The following MYO5C variants were observed in gnomAD, a reference collection of about 807,000 sequenced individuals.
MYO5C encodes the protein unconventional myosin-Vc.
In MYO5C, 194 loss-of-function variants were observed where a neutral mutation model predicts 235.7. That is an observed-to-expected ratio of 0.82 (90% confidence interval 0.73 to 0.93). The LOEUF is 0.93. Among genes scored for constraint, MYO5C ranks in the 40% least tolerant of loss-of-function variants. The pLI is 0.00. For missense variants in MYO5C, 2,038 were observed against 2,127.2 expected (o/e 0.96, Z 0.82); for synonymous variants, 707 against 754.8 (o/e 0.94, Z 1.04).
chr15:52,217,511 G>A (rs1013244724), intron 32 of MYO5C, among the ~76,000 whole-genome samples: 1 of 152,198 alleles, frequency 6.6e-6, no homozygotes, highest in Non-Finnish European at 1.5e-5. Context: ...GCAAGGCAAG[G>A]CAAGGCAGCC....
chr15:52,225,147 G>A lies in MYO5C; in HGVS notation c.3302-9C>T, dbSNP rs2093681507. ...GATCTCTGACATCTTTTCTGAAAGG[G>A]AAAGGCAGAGTTGTATATATTACAT... On this transcript the variant is annotated splice_polypyrimidine_tract_variant and intron_variant, in intron 26 of 40. Transcript: ENST00000261839. The A allele has an allele frequency of 1.2e-6, 2 of 1,613,730 alleles. No individual in the cohort carries two copies. The highest frequency in any genetic ancestry group is 2.7e-5 in the African/African-American group (2 of 75,028).
rs1389183308 is a variant in MYO5C at position 52,248,703 on chromosome 15, G to C, written c.1743C>G (p.Ser581Arg). The change falls in exon 14 of 41, where the codon AGC becomes AGG. Residue 581 changes from serine to arginine, a missense_variant. By Grantham distance (110) the Ser-to-Arg change is moderately radical. Transcript: ENST00000261839. ...TTACCCCTAGGACTTTACAGACCTT[G>C]CTTGCTCTCAGGATTTCAACCAGCA... ...YDMLVEILRA[S>R]KFHLCANFFQ... The C allele has an allele frequency of 5.6e-6, 9 of 1,612,840 alleles. No homozygotes were observed. Among genetic ancestry groups the C allele is most frequent in the South Asian group, 1.1e-5 (1 of 91,036 alleles).
intron 35 of MYO5C, among the ~76,000 whole-genome samples, chr15:52,210,027 G>A (rs148163504): frequency 1.3e-5 from 2 of 152,098 alleles, no homozygotes; most frequent in African/African-American, 4.8e-5. Context: ...GCAGTGGTGT[G>A]ATCTTGGCTT....
chr15:52,264,447 T>C, intron 8 of MYO5C, 151 bp from the exon 9 acceptor site: 1 of 638,622 alleles, frequency 1.6e-6, no homozygotes, highest in Non-Finnish European at 2.7e-6. Context: ...TCTGGGGCAC[T>C]GTTCCTTCTA....
At chr15:52,202,824 T>A (rs946762221) in intron 38 of MYO5C, among the ~76,000 whole-genome samples, 10 of 152,254 alleles carry the variant, frequency 6.6e-5, no homozygotes, top group African/African-American at 2.4e-4. Flanking sequence ...GTGTAAGGGA[T>A]GCCTCTCACA....
intron 40 of MYO5C, among the ~76,000 whole-genome samples, chr15:52,194,757 TATC>T (rs2035009773): frequency 5.3e-5 from 8 of 151,324 alleles, no homozygotes; most frequent in Admixed American, 2.6e-4. Context: ...TATGCTATAT[TATC>T]ATATATACGA....
In MYO5C at chr15:52,295,037, C is replaced by T. The variant is rs529891639; in HGVS notation, c.27+573G>A. The stretch of plus-strand genomic sequence containing the variant: ...CAGGCTGCTTCAGCTTCTGATGAGC[C>T]TACATGCACGTTCACGCACTTTGAA... On this transcript the variant is annotated intron_variant, in intron 1 of 40. Transcript: ENST00000261839. Among the ~76,000 whole-genome samples, 4 of 152,354 alleles carry T rather than the reference C, an allele frequency of 2.6e-5. No individual in the cohort carries two copies. In the South Asian group the frequency reaches 8.3e-4, roughly 32 times the overall value.
chr15:52,231,653 C>T (rs3794553), intron 24 of MYO5C, among the ~76,000 whole-genome samples: 25,408 of 152,152 alleles, frequency 0.17, 3,941 homozygotes, highest in East Asian at 0.6. Context: ...CTCACCCAGA[C>T]GCAGGCTGTC....
chr15:52,235,506 CAA>C (rs1193071654), intron 23 of MYO5C, among the ~76,000 whole-genome samples, 162 bp downstream of exon 23: 2 of 152,188 alleles, frequency 1.3e-5, no homozygotes, highest in African/African-American at 4.8e-5. Context: ...ATCTGTAGGG[CAA>C]AGTTACCACG....
chr15:52,199,723 C>G (rs1038706692), intron 38 of MYO5C, among the ~76,000 whole-genome samples: 1 of 152,172 alleles, frequency 6.6e-6, no homozygotes, highest in African/African-American at 2.4e-5. Flanking sequence ...CCCATGTCGA[C>G]AGCAGTGGTG....
At position 52,196,357 on chromosome 15, in the gene MYO5C, ACTGT is replaced by A. The variant is rs1247246206; in HGVS notation, c.4943_4946del (p.Asp1648ValfsTer19). 6.2e-7 allele frequency: 1 copy of A among 1,614,038 alleles called. No homozygotes were observed. The highest frequency in any genetic ancestry group is 8.5e-7 in the Non-Finnish European group (1 of 1,180,004). ...AGCGTTCGTAGATCTCCTTGGCATCACTGTCTGTGGTCTTCTTGACCTGAAGCAA... is the reference window on the plus strand; with the variant it reads ...AGCGTTCGTAGATCTCCTTGGCATCACTGTGGTCTTCTTGACCTGAAGCAA... On this transcript the variant is annotated frameshift_variant, in exon 39 of 41. Coordinates refer to ENST00000261839, the MANE Select transcript of MYO5C (RefSeq NM_018728.4). LOFTEE classifies it high-confidence loss of function.
At position 52,252,511 on chromosome 15, in the gene MYO5C, C is replaced by T. The variant is rs528742381; in HGVS notation, c.1536+806G>A. On this transcript the variant is annotated intron_variant, in intron 12 of 40. Coordinates refer to ENST00000261839, the MANE Select transcript of MYO5C (RefSeq NM_018728.4). ...CAAAAATTGGCCGGGCGCAGTGGCT[C>T]ATGCCTGTAATCCCAGCACTTTGGG... Among the ~76,000 whole-genome samples the T allele has an allele frequency of 1.8e-4, 27 of 152,016 alleles. 2 individuals are homozygous for T. In the South Asian group the frequency reaches 5.0e-3, roughly 28 times the overall value.
At chr15:52,238,947 T>A (rs2036151154) in intron 21 of MYO5C, among the ~76,000 whole-genome samples, 1 of 147,176 alleles carries the variant, frequency 6.8e-6, no homozygotes, top group African/African-American at 2.5e-5. Context: ...AGCTGGATGT[T>A]TCTTTTCTTT....
chr15:52,236,800 C>T (rs1252171494), intron 22 of MYO5C: 1 of 152,198 alleles, frequency 6.6e-6, no homozygotes, highest in Non-Finnish European at 1.5e-5. Context: ...TTTCATCTGA[C>T]CATTTTATTC....
chr15:52,228,957 A>G (rs539456613), intron 25 of MYO5C, among the ~76,000 whole-genome samples, 176 bp downstream of exon 25: 5 of 152,254 alleles, frequency 3.3e-5, no homozygotes, highest in Non-Finnish European at 7.3e-5. Flanking sequence ...ATGGAATACA[A>G]TGATTGCTAA....
intron 1 of MYO5C, among the ~76,000 whole-genome samples, chr15:52,286,606 T>G (rs1191983054): frequency 2.0e-5 from 3 of 152,186 alleles, no homozygotes; most frequent in Non-Finnish European, 4.4e-5. Context: ...AGAAAAATTC[T>G]TCTTCCTTGG....
At position 52,257,995 on chromosome 15, in the gene MYO5C, G is replaced by A. The variant is rs545530808; in HGVS notation, c.1314-1275C>T. On this transcript the variant is annotated intron_variant, in intron 10 of 40. Transcript: ENST00000261839. ...CGCAGCCTTGGTGGCTCAGAGATTC[G>A]GAGGCTGGTCTGCTCATGGAAGCAA... 1.3e-4 allele frequency among the ~76,000 whole-genome samples: 20 copies of A among 152,298 alleles called. No homozygotes were observed. In the East Asian group the frequency reaches 1.9e-3, roughly 15 times the overall value.
chr15:52,286,237 G>T (rs1223942124), intron 1 of MYO5C, among the ~76,000 whole-genome samples: 1 of 149,264 alleles, frequency 6.7e-6, no homozygotes, highest in Non-Finnish European at 1.5e-5. Flanking sequence ...GTCAGCCCCC[G>T]CCAGGCCAGC....
chr15:52,254,887 A>G (rs531631790), intron 11 of MYO5C, among the ~76,000 whole-genome samples: 1 of 152,204 alleles, frequency 6.6e-6, no homozygotes, highest in Non-Finnish European at 1.5e-5. Context: ...CTGAATATGC[A>G]CTTGGAATAA....
Sources: gnomAD v4.1 joint callset for allele counts (sites outside exome capture counted in the v4.1 genomes callset) on GRCh38, gnomAD v4.1.1 for gene constraint, MANE v1.5 for transcripts, NCBI Gene and HGNC (gene_info 2026-07-23, HGNC 2026-07-21) for gene names.